Variants in MYRIP observed in about 807,000 individuals in gnomAD.
The protein encoded by MYRIP is rab effector MyRIP.
MYRIP carries 49 observed loss-of-function variants against 98.0 expected under a neutral mutation model. That is an observed-to-expected ratio of 0.50 (90% CI 0.40 to 0.63). MYRIP has a LOEUF of 0.63. Among genes scored for constraint, MYRIP ranks in the 30% least tolerant of loss-of-function variants. The probability of loss-of-function intolerance (pLI) is 0.00; values close to 1 mark genes in which losing one functional copy is unlikely to be tolerated. For missense variants in MYRIP, 1,004 were observed against 1,058.2 expected (o/e 0.95, Z 0.71); for synonymous variants, 404 against 409.5 (o/e 0.99, Z 0.16).
chr3:40,015,014 C>T (rs1409396470), intron 2 of MYRIP, among the ~76,000 whole-genome samples: 1 of 152,142 alleles, frequency 6.6e-6, no homozygotes, highest in Non-Finnish European at 1.5e-5. Context: ...GATCTTTTAG[C>T]AAAGTCCATT....
chr3:39,997,782 A>T (rs9873482), intron 2 of MYRIP, among the ~76,000 whole-genome samples: 109,393 of 152,004 alleles, frequency 0.72, 40,827 homozygotes, highest in African/African-American at 0.93. Flanking sequence ...GCAAAAATCC[A>T]TGATAAAATA....
chr3:39,874,386 G>A (rs1376904329), intron 1 of MYRIP, among the ~76,000 whole-genome samples: 1 of 151,712 alleles, frequency 6.6e-6, no homozygotes, highest in Admixed American at 6.5e-5. Context: ...TGTTGAATAG[G>A]AGTGGTGAGA....
intron 2 of MYRIP, among the ~76,000 whole-genome samples, chr3:39,998,877 A>G (rs1182692534): frequency 6.6e-6 from 1 of 152,216 alleles, no homozygotes; most frequent in Non-Finnish European, 1.5e-5. Flanking sequence ...AACGCCGCAT[A>G]TCTACAACCA....
At chr3:40,041,529 C>A (rs545187783) in intron 2 of MYRIP, among the ~76,000 whole-genome samples, 1 of 149,790 alleles carries the variant, frequency 6.7e-6, no homozygotes, top group Admixed American at 6.7e-5. Context: ...GAGGAACATT[C>A]GACAAAATAG....
intron 3 of MYRIP, among the ~76,000 whole-genome samples, chr3:40,060,403 T>G (rs1386414035): frequency 6.6e-6 from 1 of 152,084 alleles, no homozygotes; most frequent in Non-Finnish European, 1.5e-5. Flanking sequence ...ATGTTTTGCT[T>G]GAACTCAGAT....
chr3:40,161,079 T>G (rs567610946), intron 4 of MYRIP, among the ~76,000 whole-genome samples: 1 of 152,218 alleles, frequency 6.6e-6, no homozygotes, highest in African/African-American at 2.4e-5. Context: ...TGTTGCTTCA[T>G]CTGGGATTTG....
At chr3:39,995,333 A>G (rs1247076539) in intron 2 of MYRIP, among the ~76,000 whole-genome samples, 1 of 152,206 alleles carries the variant, frequency 6.6e-6, no homozygotes, top group African/African-American at 2.4e-5. Flanking sequence ...AATGCAGAGA[A>G]GTCCTTAAAG....
At chr3:39,876,363 T>C (rs2125637391) in intron 1 of MYRIP, among the ~76,000 whole-genome samples, 1 of 152,362 alleles carries the variant, frequency 6.6e-6, no homozygotes, top group African/African-American at 2.4e-5. Context: ...TACTGTTATG[T>C]GTGAATTTGA....
At chr3:40,253,519 C>T (rs1433729442) in intron 16 of MYRIP, among the ~76,000 whole-genome samples, 1 of 152,322 alleles carries the variant, frequency 6.6e-6, no homozygotes, top group South Asian at 2.1e-4. Context: ...CCCTAGCCTA[C>T]TATTCCTGCA....
At position 40,250,311 on chromosome 3, in the gene MYRIP, G is replaced by A. The variant is rs1300334279; in HGVS notation, c.2352G>A (p.Gln784=). 1.2e-6 allele frequency: 2 copies of A among 1,614,082 alleles called. No individual in the cohort carries two copies. ...PCVRFTRRRD[Q]KQRTQVQTID... ...TGCGCTTCACAAGAAGACGGGATCA[G>A]AAGCAAAGGACCCAGGTGTGTTTGT... The change falls in exon 14 of 17, where the codon CAG becomes CAA. Residue 784 remains glutamine, a synonymous_variant. Coordinates refer to ENST00000302541, the MANE Select transcript of MYRIP (RefSeq NM_015460.4).
intron 2 of MYRIP, among the ~76,000 whole-genome samples, chr3:40,038,984 G>A (rs1297070231): frequency 6.6e-6 from 1 of 152,166 alleles, no homozygotes; most frequent in Non-Finnish European, 1.5e-5. Context: ...ACAGCAACAT[G>A]TCCAGTGACA....
intron 3 of MYRIP, among the ~76,000 whole-genome samples, chr3:40,131,888 T>G (rs1391998132): frequency 2.0e-5 from 3 of 152,130 alleles, no homozygotes; most frequent in Non-Finnish European, 2.9e-5. Flanking sequence ...AATTTTTTTT[T>G]CAATGAGAGC....
Position 39,919,721 on chromosome 3 carries a change from T to TGA in MYRIP, c.110+18796_110+18797insAG, listed in dbSNP as rs1392578651. Among the ~76,000 whole-genome samples the TGA allele has an allele frequency of 5.8e-3, 845 of 146,870 alleles. 5 individuals are homozygous for TGA. Among genetic ancestry groups the TGA allele is most frequent in the African/African-American group, 0.02 (759 of 38,918 alleles). On this transcript the variant is annotated intron_variant, in intron 2 of 16. Transcript: ENST00000302541. ...GTGTGTGTGTGTGTGTGTGTGTGTG[T>TGA]GTGTGTGAGAGAGAGAGAGAGAGAG...
intron 1 of MYRIP, among the ~76,000 whole-genome samples, chr3:39,856,689 T>A (rs989740291): frequency 6.6e-6 from 1 of 152,156 alleles, no homozygotes. Context: ...TTAGATACTT[T>A]GTCAGCAAGC....
At chr3:40,249,231 C>T (rs1206397207) in intron 13 of MYRIP, among the ~76,000 whole-genome samples, 3 of 152,204 alleles carry the variant, frequency 2.0e-5, no homozygotes, top group African/African-American at 7.2e-5. Context: ...GATTCCCTAA[C>T]AACACTCAGA....
chr3:40,016,795 A>G (rs1946871014), intron 2 of MYRIP, among the ~76,000 whole-genome samples: 1 of 152,216 alleles, frequency 6.6e-6, no homozygotes, highest in Non-Finnish European at 1.5e-5. Context: ...CACAAAGCAT[A>G]CGTGCAGTCA....
chr3:39,960,139 C>T (rs1190498906), intron 2 of MYRIP, among the ~76,000 whole-genome samples: 2 of 152,034 alleles, frequency 1.3e-5, no homozygotes, highest in Non-Finnish European at 1.5e-5. Flanking sequence ...TTCCTCCAGT[C>T]CCCATCACTG....
At chr3:40,116,376 T>C (rs1949280014) in intron 3 of MYRIP, among the ~76,000 whole-genome samples, 1 of 151,910 alleles carries the variant, frequency 6.6e-6, no homozygotes, top group Admixed American at 6.6e-5. Context: ...ATAAGACACA[T>C]CTCTGATACT....
At chr3:40,075,492 C>T (rs1230231929) in intron 3 of MYRIP, among the ~76,000 whole-genome samples, 2 of 152,152 alleles carry the variant, frequency 1.3e-5, no homozygotes, top group Non-Finnish European at 2.9e-5. Flanking sequence ...CCAACTTTGC[C>T]ATTTACTAGC....
Sources: allele counts gnomAD v4.1 joint callset (sites outside exome capture counted in the v4.1 genomes callset), GRCh38; gene constraint gnomAD v4.1.1; transcripts MANE v1.5; gene names NCBI Gene and HGNC (gene_info 2026-07-23, HGNC 2026-07-21).